Variants in NRG1 observed in about 807,000 individuals in gnomAD.
NRG1 encodes pro-neuregulin-1, membrane-bound isoform.
NRG1 carries 18 observed loss-of-function variants against 63.8 expected under a neutral mutation model. The observed-to-expected ratio is 0.28, with a 90% CI of 0.19 to 0.42. The LOEUF (loss-of-function observed/expected upper bound fraction) is 0.42, where lower values mean the gene tolerates loss of function less well. Among genes scored for constraint, NRG1 ranks in the 10% least tolerant of loss-of-function variants. The pLI is 1.00. For missense variants in NRG1, 762 were observed against 814.7 expected (o/e 0.94, Z 0.79); for synonymous variants, 302 against 301.3 (o/e 1.00, Z -0.02).
At chr8:32,374,182 G>C (rs1217003176) in intron 1 of NRG1, among the ~76,000 whole-genome samples, 1 of 152,190 alleles carries the variant, frequency 6.6e-6, no homozygotes, top group Non-Finnish European at 1.5e-5. Context: ...GCTTATTTCA[G>C]TGGAAATAGT....
At chr8:32,077,179 C>T (rs1826699761) in intron 1 of NRG1, among the ~76,000 whole-genome samples, 2 of 152,126 alleles carry the variant, frequency 1.3e-5, no homozygotes. Flanking sequence ...CCAGCCTGGC[C>T]AACATGGTGA....
chr8:32,550,636 T>G (rs546381227), intron 1 of NRG1, among the ~76,000 whole-genome samples: 22 of 152,224 alleles, frequency 1.4e-4, no homozygotes, highest in African/African-American at 5.3e-4. Flanking sequence ...ACAAGTTCAG[T>G]GGGGGAGGGG....
intron 1 of NRG1, among the ~76,000 whole-genome samples, chr8:31,974,796 T>C (rs910046353): frequency 6.6e-6 from 1 of 152,228 alleles, no homozygotes; most frequent in African/African-American, 2.4e-5. Context: ...TTGGTTATTT[T>C]AAAGCTGATT....
chr8:32,162,806 C>A (rs558697549), intron 1 of NRG1, among the ~76,000 whole-genome samples: 2 of 152,236 alleles, frequency 1.3e-5, no homozygotes, highest in South Asian at 4.2e-4. Flanking sequence ...AAATGTGCTG[C>A]CTAGAGATAT....
chr8:32,105,667 A>G (rs917740494), intron 1 of NRG1, among the ~76,000 whole-genome samples: 3 of 152,142 alleles, frequency 2.0e-5, no homozygotes, highest in Non-Finnish European at 4.4e-5. Context: ...TATGATCTAT[A>G]AAATGGCAGT....
intron 1 of NRG1, among the ~76,000 whole-genome samples, chr8:32,384,563 G>A (rs4373483): frequency 0.55 from 82,951 of 152,024 alleles, 22,976 homozygotes; most frequent in South Asian, 0.62. Flanking sequence ...ATAACCTTGG[G>A]GAGTGCTAGA....
intron 1 of NRG1, among the ~76,000 whole-genome samples, chr8:31,792,224 A>G (rs1820787275): frequency 6.6e-6 from 1 of 152,226 alleles, no homozygotes; most frequent in South Asian, 2.1e-4. Flanking sequence ...ATATATTAAT[A>G]CACAGAACTT....
intron 1 of NRG1, among the ~76,000 whole-genome samples, chr8:31,771,327 T>G (rs1410438336): frequency 1.3e-5 from 2 of 152,216 alleles, no homozygotes; most frequent in Non-Finnish European, 2.9e-5. Context: ...AGTTGCTGAG[T>G]AAGATTCTAT....
intron 1 of NRG1, among the ~76,000 whole-genome samples, chr8:32,090,215 C>T (rs572937525): frequency 3.3e-5 from 5 of 152,240 alleles, no homozygotes; most frequent in East Asian, 3.9e-4. Flanking sequence ...ATAAAATAGT[C>T]GTAAGTTAGC....
At chr8:32,146,822 A>G (rs535084216) in intron 1 of NRG1, among the ~76,000 whole-genome samples, 3 of 152,152 alleles carry the variant, frequency 2.0e-5, no homozygotes, top group East Asian at 3.9e-4. Flanking sequence ...CCTTCTACGT[A>G]TTAATTGGTG....
chr8:32,094,837 T>C (rs1829677844), intron 1 of NRG1, among the ~76,000 whole-genome samples: 1 of 123,706 alleles, frequency 8.1e-6, no homozygotes, highest in African/African-American at 3.5e-5. Flanking sequence ...CACAATTACT[T>C]AAAAAGAAAA....
intron 5 of NRG1, among the ~76,000 whole-genome samples, chr8:32,694,830 C>G (rs1338736971): frequency 1.3e-5 from 2 of 152,002 alleles, no homozygotes; most frequent in Non-Finnish European, 2.9e-5. Flanking sequence ...ATAGTAGAGC[C>G]CAGAGAGAGT....
intron 1 of NRG1, among the ~76,000 whole-genome samples, chr8:31,947,769 C>A (rs1802813305): frequency 1.3e-5 from 2 of 151,690 alleles, no homozygotes; most frequent in South Asian, 4.2e-4. Context: ...CATGGTGAAA[C>A]CCCGTCTCTA....
intron 1 of NRG1, among the ~76,000 whole-genome samples, chr8:31,657,596 C>T (rs772937561): frequency 6.6e-6 from 1 of 152,112 alleles, no homozygotes; most frequent in Non-Finnish European, 1.5e-5. Flanking sequence ...AGTCTGGGAG[C>T]TCTTGGAATT....
At chr8:32,749,242 C>T (rs1276571790) in intron 7 of NRG1, 3 of 331,122 alleles carry the variant, frequency 9.1e-6, no homozygotes, top group African/African-American at 6.5e-5. Flanking sequence ...TAAAGATAAT[C>T]TTTCCATTCC....
intron 1 of NRG1, among the ~76,000 whole-genome samples, chr8:32,526,994 A>G (rs1019296706): frequency 7.2e-5 from 11 of 152,266 alleles, no homozygotes; most frequent in African/African-American, 2.4e-4. Context: ...TGACTCTTAC[A>G]TTTATATCTC....
intron 1 of NRG1, among the ~76,000 whole-genome samples, chr8:31,948,626 G>C (rs1290805931): frequency 6.6e-6 from 1 of 152,158 alleles, no homozygotes; most frequent in Non-Finnish European, 1.5e-5. Flanking sequence ...GACTAAGGGA[G>C]GATTTCAGAG....
At chr8:31,807,248 A>T (rs1184396866) in intron 1 of NRG1, among the ~76,000 whole-genome samples, 1 of 152,168 alleles carries the variant, frequency 6.6e-6, no homozygotes, top group East Asian at 1.9e-4. Flanking sequence ...GCTTTGATAC[A>T]CTACTTGAGC....
chr8:32,520,284 G>A (rs1830212732), intron 1 of NRG1, among the ~76,000 whole-genome samples: 1 of 151,580 alleles, frequency 6.6e-6, no homozygotes, highest in Non-Finnish European at 1.5e-5. Flanking sequence ...ACTTCTGCCT[G>A]TAGCTGGTAC....
Sources: gnomAD v4.1 joint callset for allele counts (sites outside exome capture counted in the v4.1 genomes callset) on GRCh38, gnomAD v4.1.1 for gene constraint, MANE v1.5 for transcripts, NCBI Gene and HGNC (gene_info 2026-07-23, HGNC 2026-07-21) for gene names.